CNNM4: variants seen among roughly 807,000 people sequenced by gnomAD.
CNNM4 encodes the protein cyclin and CBS domain divalent metal cation transport mediator 4.
Under a neutral mutation model 53.7 loss-of-function variants are expected in CNNM4, and 32 were observed. The ratio of observed to expected loss-of-function variants is 0.60; its 90% CI spans 0.45 to 0.80. The LOEUF is 0.80. CNNM4 is among the 30% of genes least tolerant of loss of function. The pLI is 0.00. For missense variants in CNNM4, 784 were observed against 1,022.0 expected (o/e 0.77, Z 3.17); for synonymous variants, 410 against 440.0 (o/e 0.93, Z 0.85).
At position 96,808,583 on chromosome 2, in the gene CNNM4, C is replaced by A. The variant is rs140731639; in HGVS notation, c.1971C>A (p.Thr657=). 15 of 1,613,938 alleles carry A rather than the reference C, an allele frequency of 9.3e-6. No individual in the cohort carries two copies. In the African/African-American group the frequency reaches 2.0e-4, roughly 22 times the overall value. Residue 657 remains threonine (T), a synonymous_variant, in exon 6 of 7, where the codon ACC becomes ACA. Transcript: ENST00000377075. This position sits in a 1 kb window ranked among gnomAD's most constrained non-coding sequence, Gnocchi z 4.9. ...VPSDRSPAHP[T]PLSRSASLSY... ...CAGACCGTTCCCCAGCACACCCCACCCCACTCAGCCGCTCAGCCTCCCTCA... is the reference window on the plus strand; with the variant it reads ...CAGACCGTTCCCCAGCACACCCCACACCACTCAGCCGCTCAGCCTCCCTCA...
At chr2:96,777,669 T>A (rs951466475) in intron 1 of CNNM4, among the ~76,000 whole-genome samples, 9 of 152,050 alleles carry the variant, frequency 5.9e-5, no homozygotes, top group African/African-American at 2.2e-4. Flanking sequence ...CCCGGCTAAT[T>A]TTTTATATTT....
At chr2:96,803,725 T>TA (rs75290184) in intron 5 of CNNM4, among the ~76,000 whole-genome samples, 128 of 143,334 alleles carry the variant, frequency 8.9e-4, no homozygotes, top group Admixed American at 1.3e-3. Context: ...AAACTCTGTC[T>TA]AAAAAAAAAA....
intron 1 of CNNM4, among the ~76,000 whole-genome samples, chr2:96,782,508 A>T (rs972690498): frequency 1.3e-5 from 2 of 151,264 alleles, no homozygotes; most frequent in Admixed American, 1.3e-4. Context: ...ATACCATATC[A>T]TTTTTTTTTC....
Position 96,808,521 on chromosome 2 carries a change from G to A in CNNM4, c.1949-40G>A, listed in dbSNP as rs760329027. The A allele has an allele frequency of 1.8e-5, 29 of 1,609,928 alleles. No individual in the cohort carries two copies. The highest frequency in any genetic ancestry group is 3.3e-5 in the Admixed American group (2 of 59,928). On this transcript the variant is annotated intron_variant, in intron 5 of 6. Transcript: ENST00000377075. This position sits in a 1 kb window ranked among gnomAD's most constrained non-coding sequence, Gnocchi z 4.9. ...AGACATGAGGGTGAGAGTGGGCATC[G>A]GAGTGGCCTTTGGCATGACAACCTC...
In CNNM4 at chr2:96,761,536, C is replaced by G; in HGVS notation, c.537C>G (p.Phe179Leu). The change falls in exon 1 of 7, where the codon TTC becomes TTG. Residue 179 changes from phenylalanine (F) to leucine (L), a missense_variant. Coordinates refer to ENST00000377075, the MANE Select transcript of CNNM4 (RefSeq NM_020184.4). This position sits in a 1 kb window ranked among gnomAD's most constrained non-coding sequence, Gnocchi z 6.0. The stretch of plus-strand genomic sequence containing the variant: ...TCATGGTGGAGGAGCCTGGGAGGTT[C>G]CTGCCTCTCTGGCTGCACATTCTCC... ...LLFMVEEPGRFLPLWLHILLI... is the reference protein window; with the variant it reads ...LLFMVEEPGRLLPLWLHILLI... 6.2e-7 allele frequency: 1 copy of G among 1,614,050 alleles called. No homozygotes were observed. The highest frequency in any genetic ancestry group is 8.5e-7 in the Non-Finnish European group (1 of 1,179,936).
rs2153341569 is a variant in CNNM4 at position 96,761,493 on chromosome 2, A to C, written c.494A>C (p.Asp165Ala). The change falls in exon 1 of 7, where the codon GAC (aspartate) becomes GCC (alanine). Residue 165 changes from aspartate (D) to alanine (A), a missense_variant. Transcript: ENST00000377075. The surrounding 1 kb of genome is among the most constrained non-coding windows in gnomAD (Gnocchi z 6.0). Reference sequence around the variant, plus strand: ...GACGGGCCCTGGCTGAAGTGGACGGACAAGGACTCACTGCTCTTCATGGTG... The same window carrying C: ...GACGGGCCCTGGCTGAAGTGGACGGCCAAGGACTCACTGCTCTTCATGGTG... ...QPDGPWLKWT[D>A]KDSLLFMVEE... The C allele has an allele frequency of 6.2e-7, 1 of 1,614,020 alleles. No homozygotes were observed. The highest frequency in any genetic ancestry group is 8.5e-7 in the Non-Finnish European group (1 of 1,179,976).
In CNNM4 at chr2:96,808,623, A is replaced by C. The variant is rs1558998905; in HGVS notation, c.2011A>C (p.Thr671Pro). ...AGCCTCCCTCAGTTACCCAGACCGC[A>C]CAGACGTCTCAACTGCAGCAACCTT... ...RSASLSYPDRTDVSTAATLAG... is the reference protein window; with the variant it reads ...RSASLSYPDRPDVSTAATLAG... Residue 671 changes from threonine to proline, a missense_variant, in exon 6 of 7, where the codon ACA becomes CCA. This residue lies in a region of CNNM4 where 307 missense variants were observed against 376.3 expected (regional missense o/e 0.82). Coordinates refer to ENST00000377075, the MANE Select transcript of CNNM4 (RefSeq NM_020184.4). The surrounding 1 kb of genome is among the most constrained non-coding windows in gnomAD (Gnocchi z 4.9). 6.2e-7 allele frequency: 1 copy of C among 1,614,076 alleles called. No homozygotes were observed. Among genetic ancestry groups the C allele is most frequent in the South Asian group, 1.1e-5 (1 of 91,068 alleles).
rs2079153132 is a variant in CNNM4 at position 96,801,036 on chromosome 2, G to T, written c.1948+1388G>T. Reference sequence around the variant, plus strand: ...CCTGTGGTTCCGTGTCCTGTCTCCTGACTGCGCCCATCACTGACCTTCTCT... The same window carrying T: ...CCTGTGGTTCCGTGTCCTGTCTCCTTACTGCGCCCATCACTGACCTTCTCT... On this transcript the variant is annotated intron_variant, in intron 5 of 6. Coordinates refer to ENST00000377075, the MANE Select transcript of CNNM4 (RefSeq NM_020184.4). This position sits in a 1 kb window ranked among gnomAD's most constrained non-coding sequence, Gnocchi z 5.6. 1 of 968,764 alleles carries T rather than the reference G, an allele frequency of 1.0e-6. No homozygotes were observed. The highest frequency in any genetic ancestry group is 1.2e-6 in the Non-Finnish European group (1 of 814,802). 60.0% of individuals were successfully genotyped at this position (968,764 alleles called of 1,614,324 possible). A position where few individuals can be genotyped will look rare whatever the true frequency, so the allele number is the denominator to read the frequency against.
At chr2:96,780,555 C>T (rs947126159) in intron 1 of CNNM4, among the ~76,000 whole-genome samples, 1 of 152,000 alleles carries the variant, frequency 6.6e-6, no homozygotes, top group African/African-American at 2.4e-5. Context: ...CCACCATGTC[C>T]GGCCTCACTT....
chr2:96,762,047 C>T lies in CNNM4; in HGVS notation c.1048C>T (p.Pro350Ser), dbSNP rs970585969. ...KLMEMLKVTE[P>S]YNDLVKEELN... ...GATGGAGATGTTGAAGGTGACGGAG[C>T]CCTATAATGACCTCGTGAAAGAGGA... The change falls in exon 1 of 7, where the codon CCC becomes TCC. Residue 350 changes from proline to serine, a missense_variant. Around this residue, in one of 3 missense-constraint regions of CNNM4, gnomAD observed 473 missense variants for 624.6 expected, o/e 0.76. Coordinates refer to ENST00000377075, the MANE Select transcript of CNNM4 (RefSeq NM_020184.4). 2.7e-5 allele frequency: 43 copies of T among 1,613,928 alleles called. No homozygotes were observed. The highest frequency in any genetic ancestry group is 3.6e-5 in the Non-Finnish European group (43 of 1,180,018).
At chr2:96,788,970 A>AG (rs909071000) in intron 1 of CNNM4, 5 of 149,690 alleles carry the variant, frequency 3.3e-5, no homozygotes, top group African/African-American at 1.3e-4. Flanking sequence ...AAGGACTTCA[A>AG]GGGGCTGTAA....
At chr2:96,788,067 CCTGTGCCA>C (rs2079029803) in intron 1 of CNNM4, among the ~76,000 whole-genome samples, 1 of 152,074 alleles carries the variant, frequency 6.6e-6, no homozygotes, top group Admixed American at 6.6e-5. Flanking sequence ...GGATTACAGG[CCTGTGCCA>C]CCATGCCTAA....
intron 1 of CNNM4, among the ~76,000 whole-genome samples, chr2:96,786,155 G>A (rs1363494127): frequency 1.3e-5 from 2 of 152,010 alleles, no homozygotes; most frequent in Non-Finnish European, 2.9e-5. Flanking sequence ...GGCAGCTCAC[G>A]TCTGTAATCC....
chr2:96,796,231 G>A (rs1007470066), intron 1 of CNNM4, among the ~76,000 whole-genome samples: 13 of 133,732 alleles, frequency 9.7e-5, no homozygotes, highest in African/African-American at 2.9e-4. Context: ...TGCAACCTCT[G>A]CCTCCCGGGT....
chr2:96,792,743 G>T (rs1390051704), intron 1 of CNNM4, among the ~76,000 whole-genome samples: 9 of 152,186 alleles, frequency 5.9e-5, no homozygotes, highest in African/African-American at 2.4e-5. Context: ...GGTGGAGGTT[G>T]CAGTGAGCTG....
chr2:96,783,610 T>G (rs2078992433), intron 1 of CNNM4, among the ~76,000 whole-genome samples: 1 of 152,224 alleles, frequency 6.6e-6, no homozygotes, highest in African/African-American at 2.4e-5. Flanking sequence ...GTCCTGACTG[T>G]GTCTTCTAGG....
At chr2:96,785,341 GAAGTAAAA>G (rs1355013381) in intron 1 of CNNM4, among the ~76,000 whole-genome samples, 1 of 152,014 alleles carries the variant, frequency 6.6e-6, no homozygotes, top group African/African-American at 2.4e-5. Flanking sequence ...AAAATTTAAA[GAAGTAAAA>G]CCGAAGTCCA....
chr2:96,801,537 CAGAG>C lies in CNNM4; in HGVS notation c.1948+1893_1948+1896del, dbSNP rs201912947. 1.3e-4 allele frequency among the ~76,000 whole-genome samples: 19 copies of C among 149,276 alleles called. No homozygotes were observed. The East Asian group carries it at 2.8e-3, about 22-fold the overall frequency. On this transcript the variant is annotated intron_variant, in intron 5 of 6. Coordinates refer to ENST00000377075, the MANE Select transcript of CNNM4 (RefSeq NM_020184.4). This position sits in a 1 kb window ranked among gnomAD's most constrained non-coding sequence, Gnocchi z 5.6. Reference sequence around the variant, plus strand: ...ACCACACACAGAGATAGCACACACACAGAGAGACCACACACACACAGAGACCACA... The same window carrying C: ...ACCACACACAGAGATAGCACACACACAGACCACACACACACAGAGACCACA...
rs776551771 is a variant in CNNM4, at chr2:96,761,828, A to G, written c.829A>G (p.Ile277Val). The stretch of plus-strand genomic sequence containing the variant: ...CCTCATGGCGGTGGCCTCCTCCACC[A>G]TTGGCATTGTCATCTTTGGGGAGAT... Reference protein sequence around the residue: ...SGLMAVASSTIGIVIFGEILP... With the variant: ...SGLMAVASSTVGIVIFGEILP... Residue 277 changes from isoleucine (I) to valine (V), a missense_variant, in exon 1 of 7, where the codon ATT becomes GTT. By Grantham distance (29) the Ile-to-Val change is conservative. Coordinates refer to ENST00000377075, the MANE Select transcript of CNNM4 (RefSeq NM_020184.4). This position sits in a 1 kb window ranked among gnomAD's most constrained non-coding sequence, Gnocchi z 6.0. The G allele has an allele frequency of 6.2e-7, 1 of 1,614,078 alleles. No homozygotes were observed. The highest frequency in any genetic ancestry group is 8.5e-7 in the Non-Finnish European group (1 of 1,180,024).
Sources: allele counts gnomAD v4.1 joint callset (sites outside exome capture counted in the v4.1 genomes callset), GRCh38; gene constraint gnomAD v4.1.1; regional missense constraint gnomAD v4.1.1; non-coding constraint Gnocchi (gnomAD v3.1); transcripts MANE v1.5; gene names NCBI Gene and HGNC (gene_info 2026-07-23, HGNC 2026-07-21).